ERBB4: variants seen among roughly 807,000 people sequenced by gnomAD.
The protein encoded by ERBB4 is receptor tyrosine-protein kinase erbB-4.
A neutral mutation model predicts 158.0 loss-of-function variants in ERBB4; 42 were observed. That is an observed-to-expected ratio of 0.27 (90% CI 0.21 to 0.34). The LOEUF is 0.34. Ranked by LOEUF, ERBB4 falls within the 10% of genes least tolerant of loss-of-function variation. The pLI is 1.00. For missense variants in ERBB4, 1,333 were observed against 1,624.1 expected (o/e 0.82, Z 3.08); for synonymous variants, 583 against 558.7 (o/e 1.04, Z -0.61).
intron 2 of ERBB4, among the ~76,000 whole-genome samples, chr2:212,067,975 C>G (rs2077994469): frequency 6.6e-6 from 1 of 151,998 alleles, no homozygotes; most frequent in African/African-American, 2.4e-5. Context: ...GACTTAGATG[C>G]AAAAACGAAT....
At chr2:211,984,090 G>A (rs898418911) in intron 2 of ERBB4, among the ~76,000 whole-genome samples, 3 of 152,128 alleles carry the variant, frequency 2.0e-5, no homozygotes, top group African/African-American at 4.8e-5. Flanking sequence ...CAAGATCAAG[G>A]TGCCAGCAGA....
At chr2:212,246,062 G>C (rs1043117593) in intron 1 of ERBB4, among the ~76,000 whole-genome samples, 2 of 152,054 alleles carry the variant, frequency 1.3e-5, no homozygotes, top group Non-Finnish European at 2.9e-5. Flanking sequence ...TCCTCTATGG[G>C]AGCCGGCTTA....
At chr2:211,786,302 C>A (rs569421152) in intron 4 of ERBB4, among the ~76,000 whole-genome samples, 1 of 151,964 alleles carries the variant, frequency 6.6e-6, no homozygotes, top group Non-Finnish European at 1.5e-5. Flanking sequence ...AAGATAAAAC[C>A]ATAATAGTCA....
chr2:212,041,402 A>G (rs1335103222), intron 2 of ERBB4, among the ~76,000 whole-genome samples: 1 of 152,098 alleles, frequency 6.6e-6, no homozygotes, highest in East Asian at 1.9e-4. Flanking sequence ...CTAATCCTCT[A>G]TCAGAAGGAA....
At chr2:211,457,516 C>A (rs2064412748) in intron 20 of ERBB4, among the ~76,000 whole-genome samples, 1 of 152,146 alleles carries the variant, frequency 6.6e-6, no homozygotes, top group Non-Finnish European at 1.5e-5. Context: ...AGAGAGGTAG[C>A]AATATGTAAA....
intron 1 of ERBB4, among the ~76,000 whole-genome samples, chr2:212,274,003 T>G (rs2085436397): frequency 1.3e-5 from 2 of 151,870 alleles, no homozygotes; most frequent in Non-Finnish European, 1.5e-5. Context: ...GCCTTATTAA[T>G]AACATCAACA....
chr2:212,300,417 G>T (rs1271559184), intron 1 of ERBB4, among the ~76,000 whole-genome samples: 2 of 151,432 alleles, frequency 1.3e-5, no homozygotes, highest in Admixed American at 6.6e-5. Context: ...GTTACACAGG[G>T]TTCGCGTGTT....
At chr2:211,813,018 G>A (rs937995207) in intron 3 of ERBB4, among the ~76,000 whole-genome samples, 7 of 152,136 alleles carry the variant, frequency 4.6e-5, no homozygotes, top group African/African-American at 1.2e-4. Flanking sequence ...GTGATGTCCC[G>A]CCCTGTTCCA....
At chr2:211,888,114 AG>A (rs2106172422) in intron 3 of ERBB4, among the ~76,000 whole-genome samples, 1 of 152,322 alleles carries the variant, frequency 6.6e-6, no homozygotes, top group Non-Finnish European at 1.5e-5. Context: ...TTTTTTGCTA[AG>A]AAGCTTTATT....
At chr2:211,529,543 G>A (rs1251860273) in intron 20 of ERBB4, among the ~76,000 whole-genome samples, 5 of 151,852 alleles carry the variant, frequency 3.3e-5, no homozygotes, top group African/African-American at 7.2e-5. Context: ...CAGACACATC[G>A]AAAAAGAAAG....
chr2:212,195,248 G>A (rs757168345), intron 1 of ERBB4, among the ~76,000 whole-genome samples: 14 of 151,784 alleles, frequency 9.2e-5, no homozygotes, highest in Non-Finnish European at 1.6e-4. Context: ...CAATTTGCCA[G>A]TATTTTAAAA....
At chr2:212,014,676 A>T (rs59081924) in intron 2 of ERBB4, among the ~76,000 whole-genome samples, 23,613 of 151,992 alleles carry the variant, frequency 0.16, 2,017 homozygotes, top group Non-Finnish European at 0.19. Context: ...ATGGAGACAT[A>T]GCCTCTTTTC....
At chr2:211,654,863 T>A (rs1387835535) in intron 16 of ERBB4, among the ~76,000 whole-genome samples, 3 of 152,148 alleles carry the variant, frequency 2.0e-5, no homozygotes, top group Non-Finnish European at 4.4e-5. Flanking sequence ...CTACAAACAG[T>A]GACTGGCCAT....
intron 20 of ERBB4, among the ~76,000 whole-genome samples, chr2:211,432,132 T>C (rs907259631): frequency 2.0e-5 from 3 of 152,192 alleles, no homozygotes; most frequent in African/African-American, 7.2e-5. Flanking sequence ...TGATCACCAT[T>C]TAAAAATAGA....
At chr2:211,636,448 T>C (rs1279611632) in intron 16 of ERBB4, among the ~76,000 whole-genome samples, 1 of 152,038 alleles carries the variant, frequency 6.6e-6, no homozygotes, top group Admixed American at 6.6e-5. Flanking sequence ...AAGGAAATTA[T>C]ATAGTCATGT....
chr2:212,485,002 CA>C (rs1689900262), intron 1 of ERBB4, among the ~76,000 whole-genome samples: 1 of 152,144 alleles, frequency 6.6e-6, no homozygotes, highest in South Asian at 2.1e-4. Flanking sequence ...TGCACATCAT[CA>C]AAGTACAGCC....
chr2:212,322,880 T>C (rs1019163810), intron 1 of ERBB4, among the ~76,000 whole-genome samples: 28 of 150,236 alleles, frequency 1.9e-4, no homozygotes, highest in Non-Finnish European at 4.0e-4. Context: ...TATATACATA[T>C]GGTAAACAGA....
intron 2 of ERBB4, among the ~76,000 whole-genome samples, chr2:212,046,893 G>T (rs2077274396): frequency 6.6e-6 from 1 of 152,128 alleles, no homozygotes; most frequent in Non-Finnish European, 1.5e-5. Context: ...TAACCTTGTG[G>T]AATTCCTGCA....
intron 7 of ERBB4, among the ~76,000 whole-genome samples, chr2:211,716,764 G>C (rs530385462): frequency 6.6e-6 from 1 of 151,980 alleles, no homozygotes; most frequent in East Asian, 1.9e-4. Context: ...TCCCAAGAAA[G>C]CTTCAATTTG....
Sources: allele counts gnomAD v4.1 joint callset (sites outside exome capture counted in the v4.1 genomes callset), GRCh38; gene constraint gnomAD v4.1.1; transcripts MANE v1.5; gene names NCBI Gene and HGNC (gene_info 2026-07-23, HGNC 2026-07-21).